The following SGCZ variants were observed in gnomAD, a reference collection of about 807,000 sequenced individuals.
SGCZ encodes the protein sarcoglycan zeta.
SGCZ carries 40 observed loss-of-function variants against 41.3 expected under a neutral mutation model. The observed-to-expected ratio is 0.97, with a 90% CI of 0.75 to 1.26. The LOEUF is 1.26. Among genes scored for constraint, SGCZ ranks in the 50% most tolerant of loss-of-function variants. The pLI is 0.00. For synonymous variants in SGCZ, 206 were observed against 137.5 expected (o/e 1.50, Z -3.49); for missense variants, 552 against 369.8 (o/e 1.49, Z -4.04).
At chr8:14,185,547 T>C (rs1804876329) in intron 4 of SGCZ, among the ~76,000 whole-genome samples, 1 of 152,248 alleles carries the variant, frequency 6.6e-6, no homozygotes, top group African/African-American at 2.4e-5. Flanking sequence ...CATGTGATCT[T>C]TCTCACTAGC....
chr8:14,331,010 A>C (rs1415093447), intron 2 of SGCZ, among the ~76,000 whole-genome samples: 2 of 151,916 alleles, frequency 1.3e-5, no homozygotes, highest in Non-Finnish European at 2.9e-5. Context: ...TTCAAAACAA[A>C]TTCAATAGGA....
At chr8:14,516,954 A>G (rs1337418012) in intron 2 of SGCZ, among the ~76,000 whole-genome samples, 1 of 152,058 alleles carries the variant, frequency 6.6e-6, no homozygotes, top group Admixed American at 6.6e-5. Context: ...GTTAATTGCT[A>G]TTAAAATTTA....
At chr8:14,665,856 A>T (rs1163744719) in intron 1 of SGCZ, among the ~76,000 whole-genome samples, 1 of 152,322 alleles carries the variant, frequency 6.6e-6, no homozygotes, top group South Asian at 2.1e-4. Context: ...AAATTCAAAA[A>T]TGACTATTAA....
intron 2 of SGCZ, among the ~76,000 whole-genome samples, chr8:14,534,500 T>G (rs933667480): frequency 7.2e-5 from 11 of 152,036 alleles, no homozygotes; most frequent in African/African-American, 2.7e-4. Context: ...AAATATTTGT[T>G]GATCATCTAA....
chr8:14,925,437 C>G (rs1799717185), intron 1 of SGCZ, among the ~76,000 whole-genome samples: 1 of 152,118 alleles, frequency 6.6e-6, no homozygotes, highest in Admixed American at 6.5e-5. Context: ...TATTTATGTA[C>G]TAAGAATGAA....
chr8:14,615,335 G>A (rs911486741), intron 1 of SGCZ, among the ~76,000 whole-genome samples: 1 of 152,222 alleles, frequency 6.6e-6, no homozygotes, highest in South Asian at 2.1e-4. Context: ...AAATAAGGGA[G>A]ATGCCCAGCT....
chr8:15,147,746 G>A (rs11776413), intron 1 of SGCZ, among the ~76,000 whole-genome samples: 2,037 of 152,262 alleles, frequency 0.013, 20 homozygotes, highest in East Asian at 0.032. Flanking sequence ...GTTGCAGAAG[G>A]GGTTCTGAGA....
chr8:14,742,681 T>A (rs541858667), intron 1 of SGCZ, among the ~76,000 whole-genome samples: 42 of 152,200 alleles, frequency 2.8e-4, no homozygotes, highest in African/African-American at 9.9e-4. Flanking sequence ...ATTTCCAGTG[T>A]ACTTAAGGAA....
At chr8:14,230,325 C>CA (rs1216840343) in intron 4 of SGCZ, among the ~76,000 whole-genome samples, 12 of 151,964 alleles carry the variant, frequency 7.9e-5, no homozygotes, top group Admixed American at 7.9e-4. Context: ...GCAGTGTGAA[C>CA]AAAAAAATCA....
chr8:14,346,784 C>A (rs1585390638), intron 2 of SGCZ, among the ~76,000 whole-genome samples: 1 of 152,024 alleles, frequency 6.6e-6, no homozygotes, highest in East Asian at 1.9e-4. Flanking sequence ...GAAACAATTG[C>A]ATTTTATCCT....
rs1019727645 is a variant in SGCZ at position 14,087,472 on chromosome 8, T to G, written c.*2971A>C. ...TAGCAAAACTACCAACCTCTTTTTCTTCTTCCGTTTGTTCCTTCCTGGCGT... is the reference window on the plus strand; with the variant it reads ...TAGCAAAACTACCAACCTCTTTTTCGTCTTCCGTTTGTTCCTTCCTGGCGT... On this transcript the variant is annotated 3_prime_UTR_variant, in exon 8 of 8. Transcript: ENST00000382080. Among the ~76,000 whole-genome samples, 11 of 151,804 alleles carry G rather than the reference T, an allele frequency of 7.2e-5. No homozygotes were observed. Among genetic ancestry groups the G allele is most frequent in the African/African-American group, 2.6e-4 (11 of 41,516 alleles).
chr8:14,309,932 G>A (rs1469149744), intron 3 of SGCZ, among the ~76,000 whole-genome samples: 1 of 151,368 alleles, frequency 6.6e-6, no homozygotes, highest in East Asian at 1.9e-4. Flanking sequence ...CCATAAATGT[G>A]TTCCTGGCCC....
At chr8:14,289,833 A>C in intron 3 of SGCZ, among the ~76,000 whole-genome samples, 1 of 145,316 alleles carries the variant, frequency 6.9e-6, no homozygotes, top group Admixed American at 6.9e-5. Flanking sequence ...TAAAAAAAAT[A>C]AAAAGAAAAG....
intron 1 of SGCZ, among the ~76,000 whole-genome samples, chr8:15,153,308 G>A (rs1459396009): frequency 6.6e-6 from 1 of 152,148 alleles, no homozygotes; most frequent in Non-Finnish European, 1.5e-5. Flanking sequence ...TGCATGATAT[G>A]CCTAACATAT....
chr8:15,209,519 TG>T (rs1801173911), intron 1 of SGCZ, among the ~76,000 whole-genome samples: 2 of 129,680 alleles, frequency 1.5e-5, no homozygotes, highest in African/African-American at 5.6e-5. Flanking sequence ...TTTCAGCTTG[TG>T]TTAAATACCT....
At chr8:14,474,215 T>G (rs1310089500) in intron 2 of SGCZ, among the ~76,000 whole-genome samples, 1 of 152,224 alleles carries the variant, frequency 6.6e-6, no homozygotes, top group Non-Finnish European at 1.5e-5. Flanking sequence ...CTAAAGATAC[T>G]CTGCTAAACA....
chr8:14,433,276 ATTGTT>A (rs1242629241), intron 2 of SGCZ, among the ~76,000 whole-genome samples: 1 of 152,130 alleles, frequency 6.6e-6, no homozygotes, highest in Non-Finnish European at 1.5e-5. Flanking sequence ...AAACAATACA[ATTGTT>A]TTATTACTTG....
At chr8:14,507,966 T>C (rs893095341) in intron 2 of SGCZ, among the ~76,000 whole-genome samples, 2 of 152,068 alleles carry the variant, frequency 1.3e-5, no homozygotes, top group African/African-American at 4.8e-5. Flanking sequence ...AGACGGGGTT[T>C]TTCCATGTTG....
intron 1 of SGCZ, among the ~76,000 whole-genome samples, chr8:15,176,385 G>C (rs1414061951): frequency 2.0e-5 from 3 of 152,036 alleles, no homozygotes; most frequent in African/African-American, 7.2e-5. Context: ...ATAGAAGATA[G>C]TGCATGTCTA....
Sources: allele counts gnomAD v4.1 joint callset (sites outside exome capture counted in the v4.1 genomes callset), GRCh38; gene constraint gnomAD v4.1.1; transcripts MANE v1.5; gene names NCBI Gene and HGNC (gene_info 2026-07-23, HGNC 2026-07-21).